The following KCNJ10 variants were observed in gnomAD, a reference collection of about 807,000 sequenced individuals.
KCNJ10 encodes potassium inwardly rectifying channel subfamily J member 10.
Under a neutral mutation model 22.2 loss-of-function variants are expected in KCNJ10, and 9 were observed. The observed-to-expected ratio is 0.40, with a 90% CI of 0.24 to 0.71. KCNJ10 has a LOEUF of 0.71. Among genes scored for constraint, KCNJ10 ranks in the 30% least tolerant of loss-of-function variants. KCNJ10 has a pLI of 0.35. For missense variants in KCNJ10, 337 were observed against 482.7 expected (o/e 0.70, Z 2.83); for synonymous variants, 184 against 187.3 (o/e 0.98, Z 0.15).
intron 1 of KCNJ10, among the ~76,000 whole-genome samples, chr1:160,059,733 C>T (rs368583905): frequency 5.9e-5 from 9 of 152,296 alleles, no homozygotes; most frequent in East Asian, 5.8e-4. Flanking sequence ...CCTTTGAGGC[C>T]GCTGGAAACC....
Position 160,041,243 on chromosome 1 carries a change from C to T in KCNJ10, c.*150G>A, listed in dbSNP as rs1648592278. On this transcript the variant is annotated 3_prime_UTR_variant, in exon 2 of 2. Coordinates refer to ENST00000644903, the MANE Select transcript of KCNJ10 (RefSeq NM_002241.5). This position sits in a 1 kb window ranked among gnomAD's most constrained non-coding sequence, Gnocchi z 4.4. ...GGAGGCGAACCTGGACTCCAGTTGGCCTAAGCTACCAACAGGCCACTGGGT... is the reference window on the plus strand; with the variant it reads ...GGAGGCGAACCTGGACTCCAGTTGGTCTAAGCTACCAACAGGCCACTGGGT... The T allele has an allele frequency of 5.1e-6, 4 of 784,874 alleles. No individual in the cohort carries two copies. Among genetic ancestry groups the T allele is most frequent in the South Asian group, 3.2e-5 (2 of 62,144 alleles). 48.6% of individuals were successfully genotyped at this position (784,874 alleles called of 1,614,324 possible). A position where few individuals can be genotyped will look rare whatever the true frequency, so the allele number is the denominator to read the frequency against.
chr1:160,060,862 T>A (rs1199313015), intron 1 of KCNJ10, among the ~76,000 whole-genome samples: 1 of 152,186 alleles, frequency 6.6e-6, no homozygotes, highest in East Asian at 1.9e-4. Flanking sequence ...GAAGGACTTA[T>A]AATTGATAGA....
At position 160,038,406 on chromosome 1, in the gene KCNJ10, G is replaced by A. The variant is rs373850880; in HGVS notation, c.*2987C>T. On this transcript the variant is annotated 3_prime_UTR_variant, in exon 2 of 2. Transcript: ENST00000644903. Reference sequence around the variant, plus strand: ...AGTTCCTCTCTTCCTGGTCCTATCAGTAGCATAGGATTCAACAAAAGCCTT... The same window carrying A: ...AGTTCCTCTCTTCCTGGTCCTATCAATAGCATAGGATTCAACAAAAGCCTT... 7.9e-5 allele frequency: 12 copies of A among 152,260 alleles called. No individual in the cohort carries two copies. In the South Asian group the frequency reaches 1.9e-3, roughly 24 times the overall value. 9.4% of individuals were successfully genotyped at this position (152,260 alleles called of 1,614,324 possible). A position where few individuals can be genotyped will look rare whatever the true frequency, so the allele number is the denominator to read the frequency against.
chr1:160,040,205 C>T lies in KCNJ10; in HGVS notation c.*1188G>A. 3.9e-6 allele frequency: 1 copy of T among 259,564 alleles called. No homozygotes were observed. The highest frequency in any genetic ancestry group is 1.7e-4 in the South Asian group (1 of 5,776). The allele number at this position is 259,564 out of a possible 1,614,324, so 16.1% of individuals were successfully genotyped here. A position where few individuals can be genotyped will look rare whatever the true frequency, so the allele number is the denominator to read the frequency against. ...AACTGAGAATAGTGGCTGCCAGCCA[C>T]AGAGTTCTGCTCCTGCCCAAACCTT... On this transcript the variant is annotated 3_prime_UTR_variant, in exon 2 of 2. Coordinates refer to ENST00000644903, the MANE Select transcript of KCNJ10 (RefSeq NM_002241.5).
intron 1 of KCNJ10, among the ~76,000 whole-genome samples, chr1:160,055,325 A>G (rs530765904): frequency 6.6e-6 from 1 of 152,340 alleles, no homozygotes; most frequent in African/African-American, 2.4e-5. Context: ...AACAGGAAGC[A>G]GGAAGCTCTC....
intron 1 of KCNJ10, among the ~76,000 whole-genome samples, chr1:160,056,236 T>C (rs1354542799): frequency 6.6e-6 from 1 of 152,172 alleles, no homozygotes; most frequent in African/African-American, 2.4e-5. Flanking sequence ...GCTGCCTCAG[T>C]GCACACATTC....
intron 1 of KCNJ10, among the ~76,000 whole-genome samples, chr1:160,056,157 C>T (rs933268259): frequency 2.6e-5 from 4 of 152,144 alleles, no homozygotes; most frequent in African/African-American, 9.7e-5. Context: ...CTAGTTCATT[C>T]ACTTGAAGTG....
intron 1 of KCNJ10, among the ~76,000 whole-genome samples, chr1:160,047,419 C>A (rs957302413): frequency 2.0e-5 from 3 of 152,182 alleles, no homozygotes; most frequent in Non-Finnish European, 4.4e-5. Flanking sequence ...TTCTCTGTAG[C>A]CTCTCAGCAC....
intron 1 of KCNJ10, among the ~76,000 whole-genome samples, chr1:160,067,669 C>T (rs1649352397): frequency 6.6e-6 from 1 of 152,046 alleles, no homozygotes; most frequent in Non-Finnish European, 1.5e-5. Context: ...TTTCTTCCGT[C>T]CTAAATAACC....
intron 1 of KCNJ10, among the ~76,000 whole-genome samples, chr1:160,046,113 C>T (rs981511393): frequency 2.0e-4 from 30 of 152,154 alleles, no homozygotes; most frequent in South Asian, 2.1e-4. Flanking sequence ...TCTATGGTGA[C>T]ATTCAGGGAT....
Position 160,037,481 on chromosome 1 carries a change from TC to T in KCNJ10, c.*3911del, listed in dbSNP as rs1648500749. Reference sequence around the variant, plus strand: ...AGAAGCTAGAGTGACAACCAAAGAGTCATCCATTTTATTTAGTAGCTTATTT... The same window carrying T: ...AGAAGCTAGAGTGACAACCAAAGAGTATCCATTTTATTTAGTAGCTTATTT... On this transcript the variant is annotated 3_prime_UTR_variant, in exon 2 of 2. Transcript: ENST00000644903. 2 of 152,086 alleles carry T rather than the reference TC, an allele frequency of 1.3e-5. No individual in the cohort carries two copies. Among genetic ancestry groups the T allele is most frequent in the Non-Finnish European group, 2.9e-5 (2 of 68,018 alleles). The allele number at this position is 152,086 out of a possible 1,614,324, so 9.4% of individuals were successfully genotyped here. A position where few individuals can be genotyped will look rare whatever the true frequency, so the allele number is the denominator to read the frequency against.
At chr1:160,061,942 C>T (rs1222919547) in intron 1 of KCNJ10, among the ~76,000 whole-genome samples, 6 of 151,914 alleles carry the variant, frequency 3.9e-5, no homozygotes, top group African/African-American at 1.2e-4. Flanking sequence ...ATATGAGCCC[C>T]GGGGAGTCCT....
chr1:160,038,721 T>A lies in KCNJ10; in HGVS notation c.*2672A>T, dbSNP rs1172571056. The A allele has an allele frequency of 1.3e-5, 2 of 152,206 alleles. No homozygotes were observed. Among genetic ancestry groups the A allele is most frequent in the Non-Finnish European group, 2.9e-5 (2 of 68,038 alleles). The allele number at this position is 152,206 out of a possible 1,614,324, so 9.4% of individuals were successfully genotyped here. A position where few individuals can be genotyped will look rare whatever the true frequency, so the allele number is the denominator to read the frequency against. On this transcript the variant is annotated 3_prime_UTR_variant, in exon 2 of 2. Coordinates refer to ENST00000644903, the MANE Select transcript of KCNJ10 (RefSeq NM_002241.5). ...GTTTCTTTCTTCTTAGATAAACCTT[T>A]CATATATGTCATATCCTAATTTCCC...
In KCNJ10 at chr1:160,039,093, T is replaced by A. The variant is rs1648544554; in HGVS notation, c.*2300A>T. 2 of 152,642 alleles carry A rather than the reference T, an allele frequency of 1.3e-5. No homozygotes were observed. Among genetic ancestry groups the A allele is most frequent in the South Asian group, 4.1e-4 (2 of 4,822 alleles). The allele number at this position is 152,642 out of a possible 1,614,324, so 9.5% of individuals were successfully genotyped here. On this transcript the variant is annotated 3_prime_UTR_variant, in exon 2 of 2. Transcript: ENST00000644903. ...TCTAAAGAACCATTTAGAGTTAAGG[T>A]AGGGGGTAGTTGTTCCCTGTAGGGG...
At chr1:160,048,034 C>T (rs138919773) in intron 1 of KCNJ10, among the ~76,000 whole-genome samples, 2 of 152,354 alleles carry the variant, frequency 1.3e-5, no homozygotes, top group African/African-American at 2.4e-5. Context: ...AGCCACTGCA[C>T]CTGGCCCTCT....
At chr1:160,057,962 G>T (rs1408658498) in intron 1 of KCNJ10, among the ~76,000 whole-genome samples, 1 of 152,096 alleles carries the variant, frequency 6.6e-6, no homozygotes, top group Admixed American at 6.5e-5. Flanking sequence ...ACTCCCCATT[G>T]TGAGAGCACC....
intron 1 of KCNJ10, among the ~76,000 whole-genome samples, chr1:160,056,790 A>G (rs1203681807): frequency 6.6e-6 from 1 of 152,226 alleles, no homozygotes; most frequent in African/African-American, 2.4e-5. Flanking sequence ...TAGGAATGTC[A>G]ACTATACAGC....
At chr1:160,065,342 C>T (rs1248598615) in intron 1 of KCNJ10, among the ~76,000 whole-genome samples, 1 of 152,130 alleles carries the variant, frequency 6.6e-6, no homozygotes, top group Non-Finnish European at 1.5e-5. Flanking sequence ...ACAGTAGCTA[C>T]TCTGTGTCTT....
chr1:160,046,805 A>T (rs1648751996), intron 1 of KCNJ10, among the ~76,000 whole-genome samples: 1 of 152,136 alleles, frequency 6.6e-6, no homozygotes, highest in African/African-American at 2.4e-5. Flanking sequence ...TCTGGAAATC[A>T]TCTGTTGCGC....
Sources: allele counts gnomAD v4.1 joint callset (sites outside exome capture counted in the v4.1 genomes callset), GRCh38; gene constraint gnomAD v4.1.1; non-coding constraint Gnocchi (gnomAD v3.1); transcripts MANE v1.5; gene names NCBI Gene and HGNC (gene_info 2026-07-23, HGNC 2026-07-21).